Variants in NRXN1 observed in about 807,000 individuals in gnomAD.
The protein encoded by NRXN1 is neurexin-1.
In NRXN1, 39 loss-of-function variants were observed where a neutral mutation model predicts 150.9. The ratio of observed to expected loss-of-function variants is 0.26; its 90% CI spans 0.20 to 0.34. The LOEUF is 0.34. NRXN1 is among the 10% of genes least tolerant of loss of function. The pLI is 1.00. For synonymous variants in NRXN1, 924 were observed against 757.0 expected, an observed-to-expected ratio of 1.22 and a Z score of -3.62; for missense variants, 1,815 against 1,949.9, an observed-to-expected ratio of 0.93 and a Z score of 1.30.
At chr2:50,052,841 G>A (rs972627068) in intron 21 of NRXN1, among the ~76,000 whole-genome samples, 1 of 152,046 alleles carries the variant, frequency 6.6e-6, no homozygotes, top group Non-Finnish European at 1.5e-5. Context: ...TACTATAGAA[G>A]TATTGTACTA....
At chr2:50,859,490 T>G (rs759465076) in intron 5 of NRXN1, among the ~76,000 whole-genome samples, 12 of 151,994 alleles carry the variant, frequency 7.9e-5, no homozygotes, top group Admixed American at 3.9e-4. Flanking sequence ...GAAATGATTA[T>G]TCAAAGAAAC....
intron 18 of NRXN1, among the ~76,000 whole-genome samples, chr2:50,148,028 T>C (rs2058456064): frequency 6.6e-6 from 1 of 151,692 alleles, no homozygotes; most frequent in African/African-American, 2.4e-5. Context: ...TCCAGTCTTA[T>C]GATTGGGAGA....
chr2:50,898,261 C>A (rs1574864829), intron 5 of NRXN1, among the ~76,000 whole-genome samples: 1 of 152,184 alleles, frequency 6.6e-6, no homozygotes, highest in East Asian at 1.9e-4. Flanking sequence ...AGTTCATTCC[C>A]TCTTAGGACT....
At chr2:50,935,416 A>G (rs1688384803) in intron 2 of NRXN1, among the ~76,000 whole-genome samples, 1 of 152,116 alleles carries the variant, frequency 6.6e-6, no homozygotes. Flanking sequence ...AGGCAAATAA[A>G]AACTGAGTAG....
intron 8 of NRXN1, among the ~76,000 whole-genome samples, chr2:50,579,617 T>A (rs1197110601): frequency 5.9e-5 from 9 of 152,164 alleles, no homozygotes; most frequent in Admixed American, 5.9e-4. Context: ...CCACTGCACT[T>A]AAGCCTAGGA....
intron 19 of NRXN1, among the ~76,000 whole-genome samples, chr2:50,069,842 TGG>T (rs200661610): frequency 8.5e-6 from 1 of 118,030 alleles, no homozygotes; most frequent in African/African-American, 3.6e-5. Context: ...CAGGAGATTT[TGG>T]GGGTTTTTTT....
At chr2:50,085,754 A>T (rs915584642) in intron 19 of NRXN1, among the ~76,000 whole-genome samples, 1 of 152,086 alleles carries the variant, frequency 6.6e-6, no homozygotes. Flanking sequence ...TACCCATAAG[A>T]TAGTCTTGTG....
At chr2:50,205,627 C>T (rs11888330) in intron 18 of NRXN1, among the ~76,000 whole-genome samples, 32,204 of 151,966 alleles carry the variant, frequency 0.21, 4,003 homozygotes, top group East Asian at 0.4. Flanking sequence ...AGCAGCTAAG[C>T]ACTTTCCACA....
chr2:50,740,591 G>C (rs909789776), intron 5 of NRXN1, among the ~76,000 whole-genome samples: 2 of 152,160 alleles, frequency 1.3e-5, no homozygotes, highest in Non-Finnish European at 2.9e-5. Flanking sequence ...CTGTATGTGT[G>C]TTTGACTGTG....
intron 5 of NRXN1, among the ~76,000 whole-genome samples, chr2:50,627,822 GA>G (rs1681438411): frequency 6.6e-6 from 1 of 151,720 alleles, no homozygotes; most frequent in Admixed American, 6.6e-5. Context: ...GACAGTAACA[GA>G]AGTGGGACTA....
At chr2:50,684,914 C>T (rs1690988587) in intron 5 of NRXN1, among the ~76,000 whole-genome samples, 1 of 152,110 alleles carries the variant, frequency 6.6e-6, no homozygotes, top group African/African-American at 2.4e-5. Flanking sequence ...ATCATCCTGT[C>T]CTTGTTAACA....
At chr2:50,637,257 A>G (rs2104450468) in intron 5 of NRXN1, among the ~76,000 whole-genome samples, 1 of 152,334 alleles carries the variant, frequency 6.6e-6, no homozygotes, top group Admixed American at 6.5e-5. Flanking sequence ...CCGTTACCCC[A>G]TCTATCATAC....
At chr2:50,829,268 G>C (rs1460695833) in intron 5 of NRXN1, among the ~76,000 whole-genome samples, 1 of 150,902 alleles carries the variant, frequency 6.6e-6, no homozygotes, top group South Asian at 2.1e-4. Flanking sequence ...GTGGGGAGAG[G>C]GAGAGGGAGA....
intron 2 of NRXN1, among the ~76,000 whole-genome samples, chr2:50,933,622 A>G (rs2104415772): frequency 6.6e-6 from 1 of 152,254 alleles, no homozygotes; most frequent in East Asian, 1.9e-4. Context: ...ATGTCTAGTG[A>G]CTAAACTAAA....
chr2:50,499,804 T>G (rs757962548), intron 13 of NRXN1, among the ~76,000 whole-genome samples: 1 of 151,802 alleles, frequency 6.6e-6, no homozygotes, highest in African/African-American at 2.4e-5. Flanking sequence ...AAAAATTAAC[T>G]GGGCGTGGTG....
At chr2:50,617,933 A>G (rs1236518870) in intron 8 of NRXN1, among the ~76,000 whole-genome samples, 1 of 152,230 alleles carries the variant, frequency 6.6e-6, no homozygotes, top group Non-Finnish European at 1.5e-5. Flanking sequence ...TGCCTCACTT[A>G]TGCAGAATTA....
At chr2:50,555,264 G>T (rs767032539) in intron 8 of NRXN1, among the ~76,000 whole-genome samples, 9 of 152,122 alleles carry the variant, frequency 5.9e-5, no homozygotes, top group Non-Finnish European at 1.0e-4. Flanking sequence ...CACTGTAAAA[G>T]AATTGAGTGT....
chr2:50,208,035 C>T (rs73930314), intron 18 of NRXN1, among the ~76,000 whole-genome samples: 2,942 of 152,198 alleles, frequency 0.019, 105 homozygotes, highest in African/African-American at 0.068. Flanking sequence ...ACTTGGTGAG[C>T]TGCTGTGCTC....
At chr2:50,835,518 C>G (rs1280960574) in intron 5 of NRXN1, among the ~76,000 whole-genome samples, 1 of 151,988 alleles carries the variant, frequency 6.6e-6, no homozygotes, top group Non-Finnish European at 1.5e-5. Context: ...TAATCTTAGC[C>G]TCTGAGTTTA....
Sources: gnomAD v4.1 joint callset for allele counts (sites outside exome capture counted in the v4.1 genomes callset) on GRCh38, gnomAD v4.1.1 for gene constraint, MANE v1.5 for transcripts, NCBI Gene and HGNC (gene_info 2026-07-23, HGNC 2026-07-21) for gene names.